Variants in PNPLA8 observed in about 807,000 individuals in gnomAD.
PNPLA8 encodes calcium-independent phospholipase A2-gamma.
A neutral mutation model predicts 76.9 loss-of-function variants in PNPLA8; 39 were observed. The observed-to-expected ratio is 0.51, with a 90% CI of 0.39 to 0.66. PNPLA8 has a LOEUF of 0.66. Ranked by LOEUF, PNPLA8 falls within the 30% of genes least tolerant of loss-of-function variation. The probability of loss-of-function intolerance (pLI) is 0.00; values close to 1 mark genes in which losing one functional copy is unlikely to be tolerated. For synonymous variants in PNPLA8, 301 were observed against 307.9 expected (o/e 0.98, Z 0.24); for missense variants, 887 against 918.0 (o/e 0.97, Z 0.44).
rs1431246283 is a variant in PNPLA8 at position 108,490,920 on chromosome 7, G to A, written c.1683+490C>T. 7.9e-5 allele frequency among the ~76,000 whole-genome samples: 12 copies of A among 152,076 alleles called. No homozygotes were observed. In the South Asian group the frequency reaches 1.7e-3, roughly 21 times the overall value. Reference sequence around the variant, plus strand: ...CTTCCATTTCTGGTATAGTTTTACCGAATTTATAAAAGGTATAAGGATGAT... The same window carrying A: ...CTTCCATTTCTGGTATAGTTTTACCAAATTTATAAAAGGTATAAGGATGAT... On this transcript the variant is annotated intron_variant, in intron 8 of 10. Transcript: ENST00000257694.
chr7:108,498,096 G>A (rs1598913302), intron 5 of PNPLA8, among the ~76,000 whole-genome samples: 1 of 100,372 alleles, frequency 1.0e-5, no homozygotes, highest in African/African-American at 3.8e-5. Context: ...AGAATACAAA[G>A]ATATGCCAAT....
chr7:108,474,533 T>C (rs6949531), intron 10 of PNPLA8, among the ~76,000 whole-genome samples: 1,940 of 152,318 alleles, frequency 0.013, 43 homozygotes, highest in African/African-American at 0.043. Flanking sequence ...TTTGAAGTTA[T>C]ATAAGGTCAA....
intron 5 of PNPLA8, 37 bp downstream of exon 5, chr7:108,502,442 CAAAAAAAAAAAA>C (rs369261888): frequency 1.7e-4 from 103 of 624,204 alleles, no homozygotes; most frequent in Non-Finnish European, 2.0e-4. Flanking sequence ...AACTCCATCT[CAAAAAAAAAAAA>C]AAAAAAAAAA....
Position 108,472,433 on chromosome 7 carries a change from A to G in PNPLA8, c.2317T>C (p.Tyr773His). 6.3e-7 allele frequency: 1 copy of G among 1,592,062 alleles called. No individual in the cohort carries two copies. The highest frequency in any genetic ancestry group is 8.6e-7 in the Non-Finnish European group (1 of 1,167,572). The change falls in exon 11 of 11, where the codon TAT (tyrosine) becomes CAT (histidine). Residue 773 changes from tyrosine to histidine, a missense_variant. Coordinates refer to ENST00000257694, the MANE Select transcript of PNPLA8 (RefSeq NM_001256007.3). ...TTTGAAAAGAATGGAAGTCCTTCAT[A>G]CATATCAGTTTTTAATTTTATCCAA... ...NDWIKLKTDM[Y>H]EGLPFFSKL
intron 1 of PNPLA8, among the ~76,000 whole-genome samples, chr7:108,524,554 G>A (rs1198389676): frequency 6.6e-6 from 1 of 152,222 alleles, no homozygotes; most frequent in African/African-American, 2.4e-5. Flanking sequence ...GCCAGGTGCG[G>A]TGGCTCAGGC....
intron 9 of PNPLA8, among the ~76,000 whole-genome samples, chr7:108,486,678 T>A (rs1053211717): frequency 3.3e-5 from 5 of 152,118 alleles, no homozygotes; most frequent in African/African-American, 9.6e-5. Context: ...AAAATATATA[T>A]AAGCTATTGT....
chr7:108,525,732 G>A (rs200521133), intron 1 of PNPLA8, among the ~76,000 whole-genome samples: 1 of 152,252 alleles, frequency 6.6e-6, no homozygotes, highest in East Asian at 1.9e-4. Context: ...GGAAAATTGA[G>A]GAGGGAGTCG....
chr7:108,474,583 C>T (rs920829392), intron 10 of PNPLA8, among the ~76,000 whole-genome samples: 7 of 152,172 alleles, frequency 4.6e-5, no homozygotes, highest in Admixed American at 2.6e-4. Context: ...TAGCCATGAA[C>T]GACTGTGATG....
At chr7:108,507,693 A>G (rs1862560151) in intron 4 of PNPLA8, among the ~76,000 whole-genome samples, 1 of 152,136 alleles carries the variant, frequency 6.6e-6, no homozygotes. Context: ...GGAGTCCATA[A>G]TATTTTTTTT....
At chr7:108,496,542 C>T (rs747060333) in intron 7 of PNPLA8, 42 bp downstream of exon 7, 27 of 1,246,480 alleles carry the variant, frequency 2.2e-5, no homozygotes, top group Non-Finnish European at 2.7e-5. Context: ...GCACATACTA[C>T]CTATATAATC....
At chr7:108,498,132 A>AC (rs1377004530) in intron 5 of PNPLA8, among the ~76,000 whole-genome samples, 1 of 134,486 alleles carries the variant, frequency 7.4e-6, no homozygotes, top group Non-Finnish European at 1.7e-5. Flanking sequence ...AAAACAAAAA[A>AC]CAAAAAAAAA....
intron 4 of PNPLA8, among the ~76,000 whole-genome samples, chr7:108,511,299 T>C (rs959252651): frequency 2.2e-4 from 34 of 152,212 alleles, no homozygotes; most frequent in African/African-American, 8.0e-4. Flanking sequence ...ATAATGCTTC[T>C]AGCACAATTG....
intron 4 of PNPLA8, chr7:108,510,560 C>T (rs1862840996): frequency 7.0e-7 from 1 of 1,433,202 alleles, no homozygotes; most frequent in Non-Finnish European, 9.7e-7. Context: ...GGTGTTGCAG[C>T]TTCTTCGCCT....
chr7:108,510,783 T>C (rs937714993), intron 4 of PNPLA8: 1 of 1,601,684 alleles, frequency 6.2e-7, no homozygotes. Flanking sequence ...TATGGCATCA[T>C]CTGCATGGAG....
intron 7 of PNPLA8, 199 bp downstream of exon 7, chr7:108,496,385 C>A (rs1033274321): frequency 2.0e-5 from 8 of 397,192 alleles, no homozygotes; most frequent in Non-Finnish European, 3.5e-5. Flanking sequence ...ACACACAAAC[C>A]CCCCAAAACA....
At chr7:108,507,365 A>AAAAAC (rs1554686181) in intron 4 of PNPLA8, among the ~76,000 whole-genome samples, 3 of 150,074 alleles carry the variant, frequency 2.0e-5, no homozygotes, top group African/African-American at 4.9e-5. Context: ...AAAAAAAAAA[A>AAAAAC]AGAAACAGGC....
intron 7 of PNPLA8, 59 bp downstream of exon 7, chr7:108,496,525 A>C: frequency 9.9e-7 from 1 of 1,011,160 alleles, no homozygotes. Flanking sequence ...TTTTCAAATT[A>C]TAATATGCAC....
intron 2 of PNPLA8, chr7:108,518,208 T>C (rs1863477167): frequency 6.6e-6 from 1 of 152,188 alleles, no homozygotes; most frequent in African/African-American, 2.4e-5. Context: ...ACCATCACTT[T>C]AGCGGTTATG....
intron 4 of PNPLA8, among the ~76,000 whole-genome samples, chr7:108,513,899 G>A (rs975761712): frequency 6.6e-6 from 1 of 152,076 alleles, no homozygotes. Context: ...CTAATAAACT[G>A]ATTATTTTCT....
Sources: gnomAD v4.1 joint callset for allele counts (sites outside exome capture counted in the v4.1 genomes callset) on GRCh38, gnomAD v4.1.1 for gene constraint, MANE v1.5 for transcripts, NCBI Gene and HGNC (gene_info 2026-07-23, HGNC 2026-07-21) for gene names.